MICU1: variants seen among roughly 807,000 people sequenced by gnomAD.
The protein encoded by MICU1 is calcium uptake protein 1, mitochondrial.
A neutral mutation model predicts 56.8 loss-of-function variants in MICU1; 45 were observed. That is an observed-to-expected ratio of 0.79 (90% CI 0.62 to 1.02). The LOEUF is 1.02. Ranked by LOEUF, MICU1 falls within the 50% of genes least tolerant of loss-of-function variation. The pLI is 0.00. For synonymous variants in MICU1, 186 were observed against 195.1 expected (o/e 0.95, Z 0.39); for missense variants, 504 against 587.1 (o/e 0.86, Z 1.46).
At chr10:72,432,720 A>T (rs1864580878) in intron 8 of MICU1, among the ~76,000 whole-genome samples, 1 of 152,132 alleles carries the variant, frequency 6.6e-6, no homozygotes, top group Non-Finnish European at 1.5e-5. Flanking sequence ...ATTCATTACT[A>T]TGGGGACGGC....
intron 8 of MICU1, among the ~76,000 whole-genome samples, chr10:72,465,043 C>G (rs1865746778): frequency 6.6e-6 from 1 of 152,186 alleles, no homozygotes; most frequent in African/African-American, 2.4e-5. Context: ...CTCTGTCGCC[C>G]AGGCTGGAGT....
chr10:72,394,360 G>T (rs1863176731), intron 10 of MICU1, among the ~76,000 whole-genome samples: 1 of 152,160 alleles, frequency 6.6e-6, no homozygotes, highest in Non-Finnish European at 1.5e-5. Flanking sequence ...ATATGAGGCT[G>T]GGCCCCTGTA....
intron 9 of MICU1, among the ~76,000 whole-genome samples, chr10:72,422,849 A>C (rs1864221061): frequency 6.7e-6 from 1 of 150,330 alleles, no homozygotes; most frequent in African/African-American, 2.5e-5. Flanking sequence ...AGCTGGGATT[A>C]TGGGCACGCG....
At chr10:72,479,815 C>G (rs999118385) in intron 6 of MICU1, among the ~76,000 whole-genome samples, 2 of 152,306 alleles carry the variant, frequency 1.3e-5, no homozygotes, top group African/African-American at 2.4e-5. Context: ...GTGTGAGCCA[C>G]AGCACCCGGC....
intron 3 of MICU1, among the ~76,000 whole-genome samples, chr10:72,556,108 C>T (rs370496011): frequency 1.3e-5 from 2 of 152,292 alleles, no homozygotes; most frequent in African/African-American, 4.8e-5. Context: ...GTGGCCGGCA[C>T]ACTCTCTCTC....
intron 8 of MICU1, among the ~76,000 whole-genome samples, chr10:72,426,083 T>C (rs890286689): frequency 6.6e-6 from 1 of 152,216 alleles, no homozygotes; most frequent in Non-Finnish European, 1.5e-5. Flanking sequence ...AGTGGCATGA[T>C]CTTGGCTCCC....
At chr10:72,391,443 A>T (rs57405038) in intron 10 of MICU1, among the ~76,000 whole-genome samples, 10,920 of 152,150 alleles carry the variant, frequency 0.072, 1,330 homozygotes, top group African/African-American at 0.25. Flanking sequence ...TCTCAAAAAA[A>T]AAATAAATAA....
At chr10:72,599,309 T>C (rs1388636091) in intron 1 of MICU1, among the ~76,000 whole-genome samples, 2 of 152,200 alleles carry the variant, frequency 1.3e-5, no homozygotes, top group Non-Finnish European at 2.9e-5. Context: ...ATTTAAAAAG[T>C]ATTAAATGCA....
rs111570348 is a variant in MICU1, at chr10:72,447,708, A to T, written c.934-24337T>A. Among the ~76,000 whole-genome samples, 109 of 152,234 alleles carry T rather than the reference A, an allele frequency of 7.2e-4. 1 individual carries two copies. In the Middle Eastern group the frequency reaches 0.014, roughly 19 times the overall value. Reference sequence around the variant, plus strand: ...GATATGAAAAAATCAATTGTGCCTCAGTTAGGAAAATGGCCATGTTCAATG... The same window carrying T: ...GATATGAAAAAATCAATTGTGCCTCTGTTAGGAAAATGGCCATGTTCAATG... On this transcript the variant is annotated intron_variant, in intron 8 of 11. Transcript: ENST00000361114.
At chr10:72,554,681 A>G (rs947328285) in intron 3 of MICU1, among the ~76,000 whole-genome samples, 8 of 152,270 alleles carry the variant, frequency 5.3e-5, no homozygotes, top group African/African-American at 1.2e-4. Flanking sequence ...TAGGTTTCCT[A>G]TATCTGTATA....
intron 4 of MICU1, among the ~76,000 whole-genome samples, chr10:72,548,979 G>A (rs555434655): frequency 2.0e-5 from 3 of 152,232 alleles, no homozygotes; most frequent in East Asian, 1.9e-4. Flanking sequence ...TTACAGACAT[G>A]AGCTACCGCA....
intron 8 of MICU1, among the ~76,000 whole-genome samples, chr10:72,463,989 T>C (rs1314522336): frequency 1.3e-5 from 2 of 152,284 alleles, no homozygotes; most frequent in Middle Eastern, 3.4e-3. Flanking sequence ...TGTTTTACAA[T>C]TGCCTTGTTT....
intron 8 of MICU1, among the ~76,000 whole-genome samples, chr10:72,456,995 T>A (rs71479448): frequency 6.8e-6 from 1 of 146,308 alleles, no homozygotes; most frequent in Admixed American, 6.7e-5. Flanking sequence ...GTTTTGTTTG[T>A]TTGTTTTTGG....
chr10:72,579,004 G>T (rs1316097635), intron 1 of MICU1, among the ~76,000 whole-genome samples: 1 of 152,064 alleles, frequency 6.6e-6, no homozygotes, highest in Non-Finnish European at 1.5e-5. Flanking sequence ...CATATGACTT[G>T]CTATTTTGCG....
intron 8 of MICU1, among the ~76,000 whole-genome samples, chr10:72,470,402 T>C (rs946708602): frequency 3.9e-5 from 6 of 152,316 alleles, no homozygotes; most frequent in East Asian, 3.9e-4. Context: ...GATTGGATAA[T>C]TGATAAAGAA....
intron 4 of MICU1, among the ~76,000 whole-genome samples, chr10:72,545,334 G>C (rs1489004947): frequency 6.6e-6 from 1 of 152,198 alleles, no homozygotes; most frequent in Non-Finnish European, 1.5e-5. Flanking sequence ...ACCATAACCA[G>C]TGACACGGCC....
chr10:72,450,914 C>CCAT (rs1865276740), intron 8 of MICU1, among the ~76,000 whole-genome samples: 1 of 151,698 alleles, frequency 6.6e-6, no homozygotes, highest in South Asian at 2.1e-4. Flanking sequence ...TGGGATTTCA[C>CCAT]CATGTTGGCC....
chr10:72,446,977 A>C (rs1308753492), intron 8 of MICU1, among the ~76,000 whole-genome samples: 1 of 152,234 alleles, frequency 6.6e-6, no homozygotes, highest in African/African-American at 2.4e-5. Context: ...GAAAGGAAAG[A>C]AAAACTGTAA....
intron 6 of MICU1, among the ~76,000 whole-genome samples, chr10:72,479,943 A>C (rs1866239647): frequency 6.6e-6 from 1 of 152,190 alleles, no homozygotes; most frequent in Non-Finnish European, 1.5e-5. Context: ...TTATTTGCCT[A>C]ATTCCTGTAG....
Sources: allele counts gnomAD v4.1 joint callset (sites outside exome capture counted in the v4.1 genomes callset), GRCh38; gene constraint gnomAD v4.1.1; transcripts MANE v1.5; gene names NCBI Gene and HGNC (gene_info 2026-07-23, HGNC 2026-07-21).